PDK1: variants seen among roughly 807,000 people sequenced by gnomAD.
PDK1 encodes the protein [Pyruvate dehydrogenase (acetyl-transferring)] kinase isozyme 1, mitochondrial.
PDK1 carries 39 observed loss-of-function variants against 54.2 expected under a neutral mutation model. That is an observed-to-expected ratio of 0.72 (90% CI 0.56 to 0.94). The LOEUF (loss-of-function observed/expected upper bound fraction) is 0.94, where lower values mean the gene tolerates loss of function less well. PDK1 is among the 40% of genes least tolerant of loss of function. The probability of loss-of-function intolerance (pLI) is 0.00; values close to 1 mark genes in which losing one functional copy is unlikely to be tolerated. For synonymous variants in PDK1, 221 were observed against 207.1 expected, an observed-to-expected ratio of 1.07 and a Z score of -0.58; for missense variants, 552 against 566.0, an observed-to-expected ratio of 0.98 and a Z score of 0.25.
At chr2:172,569,501 T>C (rs1689133816) in intron 7 of PDK1, among the ~76,000 whole-genome samples, 1 of 152,108 alleles carries the variant, frequency 6.6e-6, no homozygotes, top group Admixed American at 6.5e-5. Flanking sequence ...ATGATTGCCC[T>C]CTATCAGAAG....
intron 7 of PDK1, among the ~76,000 whole-genome samples, chr2:172,569,971 C>T (rs1689156686): frequency 6.6e-6 from 1 of 152,180 alleles, no homozygotes; most frequent in African/African-American, 2.4e-5. Flanking sequence ...TTATATTGTA[C>T]ATAATGTCAG....
the PDK1 span, among the ~76,000 whole-genome samples, chr2:172,709,210 G>A: frequency 7.2e-5 from 11 of 152,138 alleles, no homozygotes; most frequent in Admixed American, 5.2e-4. Flanking sequence ...TTTTCTCCTG[G>A]AGTCCTAGCC....
the PDK1 span, among the ~76,000 whole-genome samples, chr2:172,686,965 T>A: frequency 2.0e-5 from 3 of 152,254 alleles, no homozygotes; most frequent in Non-Finnish European, 4.4e-5. Flanking sequence ...CCTAATTTTT[T>A]AGGAAGAGAA....
the PDK1 span, among the ~76,000 whole-genome samples, chr2:172,692,945 C>T: frequency 6.6e-6 from 1 of 152,230 alleles, no homozygotes; most frequent in Non-Finnish European, 1.5e-5. Flanking sequence ...TCTGCAGTTA[C>T]AGCTTCACAG....
the PDK1 span, among the ~76,000 whole-genome samples, chr2:172,703,850 G>T: frequency 7.7e-6 from 1 of 130,442 alleles, no homozygotes; most frequent in Admixed American, 9.4e-5. Flanking sequence ...TCAGCTCACC[G>T]CAACCTCTGC....
the PDK1 span, among the ~76,000 whole-genome samples, chr2:172,701,326 A>ACAG: frequency 2.0e-5 from 3 of 152,316 alleles, no homozygotes; most frequent in African/African-American, 7.2e-5. Flanking sequence ...ATTAAAAACA[A>ACAG]CAATAAGCTG....
intron 9 of PDK1, among the ~76,000 whole-genome samples, chr2:172,590,380 G>A (rs1468423164): frequency 6.6e-6 from 1 of 152,160 alleles, no homozygotes; most frequent in Non-Finnish European, 1.5e-5. Flanking sequence ...TTTAAAGATG[G>A]TGTGTCTGGA....
At chr2:172,557,958 C>CT (rs1180035750) in intron 1 of PDK1, among the ~76,000 whole-genome samples, 1 of 151,782 alleles carries the variant, frequency 6.6e-6, no homozygotes, top group Non-Finnish European at 1.5e-5. Flanking sequence ...CTGAGCCTCC[C>CT]AAGCCTAGAA....
At chr2:172,560,586 C>T (rs184593122) in intron 2 of PDK1, among the ~76,000 whole-genome samples, 3 of 152,234 alleles carry the variant, frequency 2.0e-5, no homozygotes, top group East Asian at 1.9e-4. Context: ...TCTGCTATAC[C>T]GTGCTATAGT....
the PDK1 span, among the ~76,000 whole-genome samples, chr2:172,691,584 C>T: frequency 6.6e-6 from 1 of 152,220 alleles, no homozygotes. Context: ...TCCCTCTCTC[C>T]TAACCCCTGG....
the PDK1 span, among the ~76,000 whole-genome samples, chr2:172,637,434 AC>A: frequency 0.13 from 19,984 of 152,058 alleles, 1,609 homozygotes; most frequent in South Asian, 0.23. Flanking sequence ...ATACACCTTA[AC>A]CCATTTAAAA....
the PDK1 span, among the ~76,000 whole-genome samples, chr2:172,634,616 C>T: frequency 6.6e-6 from 1 of 151,910 alleles, no homozygotes; most frequent in African/African-American, 2.4e-5. Context: ...TTATAAATTC[C>T]TTTACTGAGA....
chr2:172,589,449 C>T (rs1314656527), intron 9 of PDK1, among the ~76,000 whole-genome samples: 1 of 152,184 alleles, frequency 6.6e-6, no homozygotes, highest in Non-Finnish European at 1.5e-5. Context: ...TGCTTACTCT[C>T]CAGGGGCCCG....
At chr2:172,614,709 ACT>A in the PDK1 span, among the ~76,000 whole-genome samples, 2 of 151,536 alleles carry the variant, frequency 1.3e-5, no homozygotes, top group Non-Finnish European at 2.9e-5. Context: ...ACACAATAAA[ACT>A]CTTTTTCACC....
the PDK1 span, among the ~76,000 whole-genome samples, chr2:172,670,589 C>T: frequency 6.6e-6 from 1 of 152,050 alleles, no homozygotes; most frequent in Non-Finnish European, 1.5e-5. Flanking sequence ...TTTCCTCATA[C>T]AGAATTTCCC....
At chr2:172,629,223 G>A in the PDK1 span, among the ~76,000 whole-genome samples, 2 of 152,138 alleles carry the variant, frequency 1.3e-5, no homozygotes, top group Admixed American at 6.5e-5. Flanking sequence ...GGTCCCCAGC[G>A]AGGGCCACAC....
At chr2:172,640,747 T>C in the PDK1 span, among the ~76,000 whole-genome samples, 1 of 152,206 alleles carries the variant, frequency 6.6e-6, no homozygotes, top group Non-Finnish European at 1.5e-5. Flanking sequence ...AGAGTTTAGA[T>C]AATGTAGGGA....
Position 172,597,844 on chromosome 2 carries a change from C to T in PDK1, c.*1875C>T, listed in dbSNP as rs1352598904. 6.6e-6 allele frequency: 1 copy of T among 152,160 alleles called. No homozygotes were observed. Among genetic ancestry groups the T allele is most frequent in the Non-Finnish European group, 1.5e-5 (1 of 68,024 alleles). 9.4% of individuals were successfully genotyped at this position (152,160 alleles called of 1,614,324 possible). On this transcript the variant is annotated 3_prime_UTR_variant, in exon 11 of 11. Coordinates refer to ENST00000282077, the MANE Select transcript of PDK1 (RefSeq NM_002610.5). Reference sequence around the variant, plus strand: ...ACAGGGGAGCTTTGTCTGGAAAATACACTGAGTTGAAACACTTCATCCTTG... The same window carrying T: ...ACAGGGGAGCTTTGTCTGGAAAATATACTGAGTTGAAACACTTCATCCTTG...
chr2:172,622,091 T>A, the PDK1 span, among the ~76,000 whole-genome samples: 1 of 140,530 alleles, frequency 7.1e-6, no homozygotes, highest in South Asian at 2.7e-4. Flanking sequence ...GTGAGATATG[T>A]TTATATCTCA....
Sources: allele counts gnomAD v4.1 joint callset (sites outside exome capture counted in the v4.1 genomes callset), GRCh38; gene constraint gnomAD v4.1.1; transcripts MANE v1.5; gene names NCBI Gene and HGNC (gene_info 2026-07-23, HGNC 2026-07-21).